Variants in USH2A observed in about 807,000 individuals in gnomAD.
The protein encoded by USH2A is usherin, also known as Usher syndrome 2A (autosomal recessive, mild).
Under a neutral mutation model 538.9 loss-of-function variants are expected in USH2A, and 443 were observed. The ratio of observed to expected loss-of-function variants is 0.82; its 90% confidence interval spans 0.76 to 0.89. The LOEUF is 0.89. Ranked by LOEUF, USH2A falls within the 40% of genes least tolerant of loss-of-function variation. The pLI is 0.00. For synonymous variants in USH2A, 2,413 were observed against 2,273.5 expected (o/e 1.06, Z -1.75); for missense variants, 6,633 against 6,324.8 (o/e 1.05, Z -1.65).
chr1:215,745,702 T>A (rs1426189866), intron 58 of USH2A, among the ~76,000 whole-genome samples: 1 of 152,164 alleles, frequency 6.6e-6, no homozygotes, highest in Non-Finnish European at 1.5e-5. Context: ...ACTGATTAAT[T>A]GGAGAAGCAA....
Position 215,790,237 on chromosome 1 carries a change from A to G in USH2A, c.10004T>C (p.Ile3335Thr), listed in dbSNP as rs530323450. The change falls in exon 51 of 72, where the codon ATA becomes ACA. Residue 3335 changes from isoleucine (I) to threonine (T), a missense_variant. Physicochemically the swap from Ile to Thr is moderately conservative, Grantham distance 89 (BLOSUM62 -1). Coordinates refer to ENST00000307340, the MANE Select transcript of USH2A (RefSeq NM_206933.4). ...CTCTCCACTGGAAGCTGAGCAGCAT[A>G]TGGTATCTGACATATTCACATAATC... ...GQDYVNMSDTICCSASSGESK... is the reference protein window; with the variant it reads ...GQDYVNMSDTTCCSASSGESK... The G allele has an allele frequency of 1.2e-6, 2 of 1,614,090 alleles. No homozygotes were observed. The highest frequency in any genetic ancestry group is 2.2e-5 in the East Asian group (1 of 44,864).
intron 30 of USH2A, among the ~76,000 whole-genome samples, chr1:216,069,111 A>G (rs1469558143): frequency 1.3e-5 from 2 of 152,134 alleles, no homozygotes; most frequent in Non-Finnish European, 2.9e-5. Context: ...GGGGTTGAGC[A>G]TTTTTAGCAA....
intron 61 of USH2A, among the ~76,000 whole-genome samples, chr1:215,711,419 T>C (rs1439516455): frequency 6.6e-6 from 1 of 152,152 alleles, no homozygotes; most frequent in Admixed American, 6.5e-5. Flanking sequence ...CTTTCTGCTT[T>C]AGGAAGGAAT....
chr1:215,785,932 T>TACACAC (rs10638003), intron 52 of USH2A, among the ~76,000 whole-genome samples: 18,105 of 146,348 alleles, frequency 0.12, 1,157 homozygotes, highest in East Asian at 0.24. Flanking sequence ...TGATAGATGA[T>TACACAC]ACACACACAC....
At chr1:215,802,025 CTT>C (rs34990803) in intron 49 of USH2A, among the ~76,000 whole-genome samples, 5,351 of 147,508 alleles carry the variant, frequency 0.036, 93 homozygotes, top group African/African-American at 0.052. Context: ...AGGAAAGGAC[CTT>C]TTTTTTTTTT....
intron 3 of USH2A, among the ~76,000 whole-genome samples, chr1:216,404,135 A>G (rs2039353151): frequency 6.6e-6 from 1 of 152,168 alleles, no homozygotes; most frequent in Non-Finnish European, 1.5e-5. Flanking sequence ...AAATTACAAA[A>G]TGCCAATAAA....
At chr1:216,345,142 T>C (rs2038151082) in intron 4 of USH2A, among the ~76,000 whole-genome samples, 1 of 152,018 alleles carries the variant, frequency 6.6e-6, no homozygotes, top group African/African-American at 2.4e-5. Flanking sequence ...CCCACCCTGC[T>C]GTATGCAGCC....
intron 44 of USH2A, among the ~76,000 whole-genome samples, chr1:215,866,105 G>T (rs1219240815): frequency 6.6e-6 from 1 of 152,040 alleles, no homozygotes; most frequent in Non-Finnish European, 1.5e-5. Flanking sequence ...TTCCTGATCA[G>T]GTATTTCTCA....
chr1:215,772,157 T>A (rs1395927289), intron 55 of USH2A, among the ~76,000 whole-genome samples: 1 of 152,140 alleles, frequency 6.6e-6, no homozygotes, highest in Non-Finnish European at 1.5e-5. Context: ...GAGATATATA[T>A]GACATACTAG....
intron 37 of USH2A, among the ~76,000 whole-genome samples, chr1:215,953,693 A>G (rs1666989860): frequency 6.6e-6 from 1 of 152,108 alleles, no homozygotes; most frequent in Non-Finnish European, 1.5e-5. Flanking sequence ...CAATGGCAAC[A>G]AAAGCCATAA....
intron 32 of USH2A, among the ~76,000 whole-genome samples, chr1:216,027,973 A>T (rs147900876): frequency 2.8e-4 from 43 of 152,322 alleles, no homozygotes; most frequent in African/African-American, 9.4e-4. Context: ...AGTCCTAGCG[A>T]TGACATTAAC....
chr1:216,334,281 A>C (rs1035379073), intron 4 of USH2A, among the ~76,000 whole-genome samples: 2 of 152,026 alleles, frequency 1.3e-5, no homozygotes, highest in African/African-American at 4.8e-5. Flanking sequence ...AATTTGAATT[A>C]GATTTTTATG....
intron 20 of USH2A, among the ~76,000 whole-genome samples, chr1:216,181,428 C>G (rs923376909): frequency 3.3e-5 from 5 of 152,088 alleles, no homozygotes; most frequent in Non-Finnish European, 7.4e-5. Flanking sequence ...TCTCAGCCAC[C>G]TTGTTCCTTT....
At chr1:215,996,652 C>A (rs552909119) in intron 34 of USH2A, among the ~76,000 whole-genome samples, 3 of 119,388 alleles carry the variant, frequency 2.5e-5, no homozygotes, top group African/African-American at 9.7e-5. Flanking sequence ...TGTTTCCAAG[C>A]AAATTATTTA....
intron 14 of USH2A, among the ~76,000 whole-genome samples, chr1:216,226,718 T>C (rs949695823): frequency 6.6e-6 from 1 of 152,314 alleles, no homozygotes; most frequent in East Asian, 1.9e-4. Context: ...ACAGTAATCT[T>C]GTCCTTTATT....
intron 15 of USH2A, among the ~76,000 whole-genome samples, chr1:216,211,876 T>C (rs113140099): frequency 7.0e-4 from 106 of 152,312 alleles, no homozygotes; most frequent in African/African-American, 2.2e-3. Flanking sequence ...TTAAATCCTG[T>C]TGTTCTTGGT....
At chr1:215,931,648 T>G (rs1396901892) in intron 38 of USH2A, among the ~76,000 whole-genome samples, 1 of 151,962 alleles carries the variant, frequency 6.6e-6, no homozygotes, top group South Asian at 2.1e-4. Flanking sequence ...AGGGCCTGAG[T>G]AATAATAAGC....
chr1:215,762,610 C>T (rs759217728), intron 56 of USH2A, among the ~76,000 whole-genome samples: 5 of 152,088 alleles, frequency 3.3e-5, no homozygotes, highest in Admixed American at 6.6e-5. Flanking sequence ...ATGGGGACAT[C>T]GTTATCTTGG....
At chr1:215,858,956 G>A (rs1255527742) in intron 44 of USH2A, among the ~76,000 whole-genome samples, 1 of 152,108 alleles carries the variant, frequency 6.6e-6, no homozygotes, top group Non-Finnish European at 1.5e-5. Flanking sequence ...AGCAAATTTA[G>A]TTTCTGCTGA....
Sources: allele counts gnomAD v4.1 joint callset (sites outside exome capture counted in the v4.1 genomes callset), GRCh38; gene constraint gnomAD v4.1.1; transcripts MANE v1.5; gene names NCBI Gene and HGNC (gene_info 2026-07-23, HGNC 2026-07-21).